The following TFEC variants were observed in gnomAD, a reference collection of about 807,000 sequenced individuals.
TFEC encodes class E basic helix-loop-helix protein 34.
Under a neutral mutation model 41.6 loss-of-function variants are expected in TFEC, and 31 were observed. The ratio of observed to expected loss-of-function variants is 0.74; its 90% confidence interval spans 0.56 to 1.01. TFEC has a LOEUF of 1.01. TFEC is among the 50% of genes least tolerant of loss of function. TFEC has a pLI of 0.00. For missense variants in TFEC, 402 were observed against 404.1 expected (o/e 0.99, Z 0.04); for synonymous variants, 143 against 140.6 (o/e 1.02, Z -0.12).
intron 1 of TFEC, among the ~76,000 whole-genome samples, chr7:116,143,229 T>C (rs915701703): frequency 3.3e-5 from 5 of 152,214 alleles, no homozygotes; most frequent in Admixed American, 3.3e-4. Flanking sequence ...AATATACTGG[T>C]TGACCTTCAG....
At chr7:116,073,805 C>CA (rs1796887392) in intron 3 of TFEC, among the ~76,000 whole-genome samples, 1 of 151,760 alleles carries the variant, frequency 6.6e-6, no homozygotes, top group African/African-American at 2.4e-5. Flanking sequence ...GGTCAATGGA[C>CA]TACAATAGAA....
At chr7:116,022,801 T>A (rs1795448119) in intron 1 of TFEC, among the ~76,000 whole-genome samples, 1 of 152,180 alleles carries the variant, frequency 6.6e-6, no homozygotes, top group Non-Finnish European at 1.5e-5. Flanking sequence ...CTAAAAAGCA[T>A]AAAGGCTAAA....
At chr7:115,993,816 A>AG (rs142262337) in intron 1 of TFEC, among the ~76,000 whole-genome samples, 20,830 of 152,248 alleles carry the variant, frequency 0.14, 1,922 homozygotes, top group Non-Finnish European at 0.21. Context: ...ATCCCCATCA[A>AG]GCTACCAATG....
At chr7:116,127,468 A>G (rs1798237649) in intron 1 of TFEC, among the ~76,000 whole-genome samples, 1 of 152,136 alleles carries the variant, frequency 6.6e-6, no homozygotes, top group Non-Finnish European at 1.5e-5. Context: ...AAGCAGTGAT[A>G]TGTTTGCACT....
rs1412949371 is a variant in TFEC at position 115,936,385 on chromosome 7, G to T, written c.*4166C>A. ...ACTGAAACAAAATTCAATCCTTCGG[G>T]TGTCTTTAAGAAACCCAGATGGTTG... On this transcript the variant is annotated 3_prime_UTR_variant, in exon 8 of 8. Coordinates refer to ENST00000265440, the MANE Select transcript of TFEC (RefSeq NM_012252.4). 1 of 151,542 alleles carries T rather than the reference G, an allele frequency of 6.6e-6. No individual in the cohort carries two copies. Among genetic ancestry groups the T allele is most frequent in the South Asian group, 2.1e-4 (1 of 4,828 alleles). The allele number at this position is 151,542 out of a possible 1,614,324, so 9.4% of individuals were successfully genotyped here. A position where few individuals can be genotyped will look rare whatever the true frequency, so the allele number is the denominator to read the frequency against.
chr7:116,002,851 G>C (rs1474504777), intron 1 of TFEC, among the ~76,000 whole-genome samples: 2 of 152,080 alleles, frequency 1.3e-5, no homozygotes, highest in African/African-American at 2.4e-5. Context: ...ACTTGGATTA[G>C]TTGTAAATGT....
chr7:116,080,559 G>C (rs1406217420), intron 3 of TFEC, among the ~76,000 whole-genome samples: 1 of 152,106 alleles, frequency 6.6e-6, no homozygotes, highest in African/African-American at 2.4e-5. Flanking sequence ...CTCAAAACAA[G>C]ATATACAAAT....
At chr7:115,996,278 C>T (rs1482301228) in intron 1 of TFEC, among the ~76,000 whole-genome samples, 8 of 152,030 alleles carry the variant, frequency 5.3e-5, no homozygotes, top group South Asian at 4.1e-4. Flanking sequence ...GGCAGAGTCT[C>T]GAGGCCCTCA....
At chr7:115,962,964 T>G (rs897018730) in intron 3 of TFEC, among the ~76,000 whole-genome samples, 9 of 151,838 alleles carry the variant, frequency 5.9e-5, no homozygotes, top group Non-Finnish European at 1.2e-4. Context: ...AACTTGTCAT[T>G]TACATTAGGT....
chr7:116,057,570 G>T (rs576925143), intron 3 of TFEC, among the ~76,000 whole-genome samples: 1 of 151,730 alleles, frequency 6.6e-6, no homozygotes, highest in African/African-American at 2.4e-5. Flanking sequence ...GAAATGAAAA[G>T]ACTGGAAAGA....
At chr7:116,077,639 C>CA (rs577244291) in intron 3 of TFEC, among the ~76,000 whole-genome samples, 38 of 150,846 alleles carry the variant, frequency 2.5e-4, no homozygotes, top group Non-Finnish European at 4.4e-4. Flanking sequence ...TTATATCAGA[C>CA]AAAAAAAACC....
intron 3 of TFEC, among the ~76,000 whole-genome samples, chr7:116,059,206 A>C (rs184101796): frequency 1.3e-5 from 2 of 152,036 alleles, no homozygotes; most frequent in African/African-American, 4.8e-5. Flanking sequence ...AGATATTAAA[A>C]GGATGATTAG....
At chr7:116,036,420 C>T (rs1313440481) in intron 3 of TFEC, among the ~76,000 whole-genome samples, 2 of 152,018 alleles carry the variant, frequency 1.3e-5, no homozygotes, top group African/African-American at 4.8e-5. Flanking sequence ...TCTGACAAAA[C>T]TTAAAAGTGC....
At chr7:116,103,013 GC>G (rs1176894885) in intron 3 of TFEC, among the ~76,000 whole-genome samples, 3 of 152,322 alleles carry the variant, frequency 2.0e-5, no homozygotes, top group African/African-American at 7.2e-5. Flanking sequence ...AGTTTCTGGA[GC>G]TGCATCTATC....
intron 1 of TFEC, among the ~76,000 whole-genome samples, chr7:116,148,657 C>T (rs1013144605): frequency 3.9e-5 from 6 of 152,208 alleles, no homozygotes; most frequent in African/African-American, 9.6e-5. Context: ...ACCTCCATTG[C>T]GGCTATGGAT....
chr7:116,102,274 C>T (rs117575742), intron 3 of TFEC, among the ~76,000 whole-genome samples: 507 of 152,202 alleles, frequency 3.3e-3, no homozygotes, highest in Non-Finnish European at 5.5e-3. Flanking sequence ...GATACACCAC[C>T]CCATTTCAGC....
intron 3 of TFEC, chr7:115,968,420 C>T (rs1418077375): frequency 1.2e-6 from 1 of 832,212 alleles, no homozygotes. Context: ...CAACCAAGCA[C>T]AGGGGGTTGT....
At chr7:115,979,017 T>C (rs1039570172) in intron 2 of TFEC, among the ~76,000 whole-genome samples, 1 of 152,126 alleles carries the variant, frequency 6.6e-6, no homozygotes, top group African/African-American at 2.4e-5. Flanking sequence ...CAGATTTGGA[T>C]ATCTAGCTGT....
At chr7:116,040,048 G>A (rs922458454) in intron 3 of TFEC, among the ~76,000 whole-genome samples, 1 of 152,040 alleles carries the variant, frequency 6.6e-6, no homozygotes, top group Non-Finnish European at 1.5e-5. Flanking sequence ...GAGAGACAAA[G>A]TATAAAATGC....
Sources: allele counts gnomAD v4.1 joint callset (sites outside exome capture counted in the v4.1 genomes callset), GRCh38; gene constraint gnomAD v4.1.1; transcripts MANE v1.5; gene names NCBI Gene and HGNC (gene_info 2026-07-23, HGNC 2026-07-21).